The following APTX variants were observed in gnomAD, a reference collection of about 807,000 sequenced individuals.
APTX encodes aprataxin.
A neutral mutation model predicts 42.3 loss-of-function variants in APTX; 33 were observed. That is an observed-to-expected ratio of 0.78 (90% CI 0.59 to 1.04). The LOEUF (loss-of-function observed/expected upper bound fraction) is 1.04, where lower values mean the gene tolerates loss of function less well. Ranked by LOEUF, APTX falls within the 50% of genes least tolerant of loss-of-function variation. APTX has a pLI of 0.00. For synonymous variants in APTX, 130 were observed against 146.7 expected, an observed-to-expected ratio of 0.89 and a Z score of 0.82; for missense variants, 421 against 415.1, an observed-to-expected ratio of 1.01 and a Z score of -0.12.
rs563055303 is a variant in APTX at position 32,973,188 on chromosome 9, C to G, written c.*310G>C. 2 of 508,350 alleles carry G rather than the reference C, an allele frequency of 3.9e-6. No homozygotes were observed. The highest frequency in any genetic ancestry group is 3.1e-5 in the South Asian group (2 of 64,986). The allele number at this position is 508,350 out of a possible 1,614,324, so 31.5% of individuals were successfully genotyped here. ...ATAACCAGCCCAATGCTTCCATACT[C>G]TGCATTAGGTCAGTGTGAACATGGC... is the stretch of plus-strand genomic sequence containing the variant. On this transcript the variant is annotated 3_prime_UTR_variant, in exon 8 of 8. Coordinates refer to ENST00000379817, the MANE Select transcript of APTX (RefSeq NM_001195248.2).
At chr9:32,995,887 CAAAA>C (rs75109627) in intron 1 of APTX, among the ~76,000 whole-genome samples, 3 of 100,684 alleles carry the variant, frequency 3.0e-5, no homozygotes, top group Admixed American at 1.1e-4. Flanking sequence ...GTCTCCGTCT[CAAAA>C]AAAAAAAAAA....
At chr9:33,003,864 C>G (rs1354952930), upstream of APTX, among the ~76,000 whole-genome samples, 1 of 152,224 alleles carries the variant, frequency 6.6e-6, no homozygotes, top group African/African-American at 2.4e-5. Flanking sequence ...GAATAACACT[C>G]CATTGCATGT....
At chr9:32,977,631 G>A (rs990082259) in intron 6 of APTX, among the ~76,000 whole-genome samples, 6 of 152,126 alleles carry the variant, frequency 3.9e-5, no homozygotes, top group African/African-American at 1.4e-4. Context: ...AGGAGTTCAA[G>A]ACCAGCCTGG....
In APTX at chr9:32,973,278, C is replaced by T. The variant is rs1325083466; in HGVS notation, c.*220G>A. Reference sequence around the variant, plus strand: ...AGATGGTGGGTCAGGTATATCCCAGCCACCCTCACCAGAGAATACATCTAT... The same window carrying T: ...AGATGGTGGGTCAGGTATATCCCAGTCACCCTCACCAGAGAATACATCTAT... On this transcript the variant is annotated 3_prime_UTR_variant, in exon 8 of 8. Coordinates refer to ENST00000379817, the MANE Select transcript of APTX (RefSeq NM_001195248.2). 1 of 649,152 alleles carries T rather than the reference C, an allele frequency of 1.5e-6. No individual in the cohort carries two copies. Among genetic ancestry groups the T allele is most frequent in the African/African-American group, 1.8e-5 (1 of 56,164 alleles). The allele number at this position is 649,152 out of a possible 1,614,324, so 40.2% of individuals were successfully genotyped here. A position where few individuals can be genotyped will look rare whatever the true frequency, so the allele number is the denominator to read the frequency against.
chr9:32,973,482 C>G lies in APTX; in HGVS notation c.*16G>C. ...CCAGTGGGCCACACCACAGCAGCAGCTCAGGCTCTGCAGAATCACTGTGTC... is the reference window on the plus strand; with the variant it reads ...CCAGTGGGCCACACCACAGCAGCAGGTCAGGCTCTGCAGAATCACTGTGTC... On this transcript the variant is annotated 3_prime_UTR_variant, in exon 8 of 8. Coordinates refer to ENST00000379817, the MANE Select transcript of APTX (RefSeq NM_001195248.2). 6.2e-7 allele frequency: 1 copy of G among 1,613,816 alleles called. No homozygotes were observed. The highest frequency in any genetic ancestry group is 8.5e-7 in the Non-Finnish European group (1 of 1,179,998).
chr9:33,012,571 G>C (rs990450207), intron 1 of APTX, among the ~76,000 whole-genome samples: 8 of 152,076 alleles, frequency 5.3e-5, no homozygotes, highest in African/African-American at 1.9e-4. Context: ...GCTGTAAGAA[G>C]CCCAACTTAG....
intron 1 of APTX, among the ~76,000 whole-genome samples, chr9:32,993,391 T>C (rs1834094179): frequency 6.6e-6 from 1 of 152,206 alleles, no homozygotes; most frequent in Admixed American, 6.5e-5. Context: ...TCCTGAATCT[T>C]CAACCCAGTC....
chr9:32,998,743 A>T (rs202154004), intron 1 of APTX, among the ~76,000 whole-genome samples: 1 of 152,086 alleles, frequency 6.6e-6, no homozygotes, highest in South Asian at 2.1e-4. Context: ...TAGGGGAGGG[A>T]TAGCATTAGG....
At chr9:32,988,005 T>A in intron 3 of APTX, 78 bp downstream of exon 3, 1 of 1,546,652 alleles carries the variant, frequency 6.5e-7, no homozygotes, top group Non-Finnish European at 8.9e-7. Context: ...AAGCCTTCAC[T>A]GGCTGGCACA....
chr9:32,982,059 A>G (rs1830799683), intron 6 of APTX, among the ~76,000 whole-genome samples: 1 of 152,144 alleles, frequency 6.6e-6, no homozygotes, highest in South Asian at 2.1e-4. Flanking sequence ...CAAAATGATC[A>G]AGGTTAACAT....
chr9:33,013,320 C>T (rs1172050461), intron 1 of APTX, among the ~76,000 whole-genome samples: 2 of 152,078 alleles, frequency 1.3e-5, no homozygotes, highest in East Asian at 1.9e-4. Context: ...TTGTTTGTGG[C>T]GGGGCCAGGA....
chr9:33,008,188 G>A (rs1192287305), intron 1 of APTX, among the ~76,000 whole-genome samples: 23 of 151,680 alleles, frequency 1.5e-4, no homozygotes, highest in Admixed American at 1.5e-3. Context: ...GGCCTATGAG[G>A]AGCTTGGTGA....
chr9:33,019,274 C>T (rs550616581), intron 1 of APTX, among the ~76,000 whole-genome samples: 4 of 151,774 alleles, frequency 2.6e-5, no homozygotes, highest in Non-Finnish European at 5.9e-5. Context: ...GGAGAGAGTT[C>T]ATAAAAAAGA....
At chr9:33,023,054 C>T (rs1838519480) in intron 1 of APTX, among the ~76,000 whole-genome samples, 1 of 152,154 alleles carries the variant, frequency 6.6e-6, no homozygotes, top group African/African-American at 2.4e-5. Flanking sequence ...GTCTCAAACT[C>T]CGGGACTCAA....
intron 1 of APTX, among the ~76,000 whole-genome samples, chr9:33,000,291 A>G (rs1292483581): frequency 6.6e-6 from 1 of 152,206 alleles, no homozygotes; most frequent in Non-Finnish European, 1.5e-5. Context: ...TAGCGAAGGT[A>G]GGGCAAGCAG....
intron 1 of APTX, among the ~76,000 whole-genome samples, chr9:32,996,142 A>G (rs944288081): frequency 2.6e-5 from 4 of 152,244 alleles, no homozygotes; most frequent in African/African-American, 9.6e-5. Flanking sequence ...TAACTTTTAT[A>G]TGCACTAAGA....
chr9:32,990,085 A>G (rs1833210803), intron 1 of APTX, 190 bp from the exon 2 acceptor site: 1 of 663,530 alleles, frequency 1.5e-6, no homozygotes, highest in Admixed American at 2.4e-5. Context: ...GCTGTTGTGA[A>G]AATTAAATGA....
In APTX at chr9:32,984,011, T is replaced by C. The variant is rs1262633901; in HGVS notation, c.770+620A>G. The stretch of plus-strand genomic sequence containing the variant: ...TGACTAAAATGTAAATTTTGTTATG[T>C]ATATTATATCACAGTTTTTTAAAAA... On this transcript the variant is annotated intron_variant, in intron 6 of 7. Transcript: ENST00000379817. 3.3e-5 allele frequency among the ~76,000 whole-genome samples: 5 copies of C among 152,210 alleles called. No individual in the cohort carries two copies. In the East Asian group the frequency reaches 5.8e-4, roughly 18 times the overall value.
intron 1 of APTX, among the ~76,000 whole-genome samples, chr9:33,008,417 T>C (rs1729618698): frequency 1.3e-5 from 2 of 152,102 alleles, no homozygotes; most frequent in South Asian, 4.1e-4. Flanking sequence ...GATTTTTTTT[T>C]TAAATTAGAG....
Sources: allele counts gnomAD v4.1 joint callset (sites outside exome capture counted in the v4.1 genomes callset), GRCh38; gene constraint gnomAD v4.1.1; transcripts MANE v1.5; gene names NCBI Gene and HGNC (gene_info 2026-07-23, HGNC 2026-07-21).